The following FHIT variants were observed in gnomAD, a reference collection of about 807,000 sequenced individuals.
FHIT encodes bis(5'-adenosyl)-triphosphatase.
Under a neutral mutation model 17.9 loss-of-function variants are expected in FHIT, and 19 were observed. The observed-to-expected ratio is 1.06, with a 90% CI of 0.74 to 1.56. The LOEUF (loss-of-function observed/expected upper bound fraction) is 1.56, where lower values mean the gene tolerates loss of function less well. Ranked by LOEUF, FHIT falls within the 40% of genes most tolerant of loss-of-function variation. The pLI, the probability that FHIT is intolerant of heterozygous loss-of-function variation, is 0.00. For missense variants in FHIT, 248 were observed against 189.2 expected (o/e 1.31, Z -1.82); for synonymous variants, 81 against 69.7 (o/e 1.16, Z -0.81).
At chr3:60,512,767 T>A (rs568744689) in intron 5 of FHIT, among the ~76,000 whole-genome samples, 48 of 152,274 alleles carry the variant, frequency 3.2e-4, no homozygotes, top group Admixed American at 2.3e-3. Context: ...AACAATGAGA[T>A]GGATCAAGAT....
At chr3:59,763,496 C>CTTGT (rs1701635414) in intron 8 of FHIT, among the ~76,000 whole-genome samples, 1 of 152,214 alleles carries the variant, frequency 6.6e-6, no homozygotes, top group Admixed American at 6.5e-5. Flanking sequence ...GCATTTAAAG[C>CTTGT]TTGTTTCTCT....
At chr3:61,200,225 T>C (rs2038972308) in intron 2 of FHIT, among the ~76,000 whole-genome samples, 1 of 152,220 alleles carries the variant, frequency 6.6e-6, no homozygotes, top group Non-Finnish European at 1.5e-5. Flanking sequence ...TCAACCCAAT[T>C]GAAATGCCAC....
chr3:61,043,603 C>T (rs550777570), intron 2 of FHIT, among the ~76,000 whole-genome samples: 1 of 152,278 alleles, frequency 6.6e-6, no homozygotes, highest in East Asian at 1.9e-4. Flanking sequence ...CTTAAACGTC[C>T]CTGTCTGACA....
At chr3:61,156,768 A>G (rs17637930) in intron 2 of FHIT, among the ~76,000 whole-genome samples, 15,558 of 152,268 alleles carry the variant, frequency 0.1, 889 homozygotes, top group South Asian at 0.2. Context: ...TAGCAACATC[A>G]TGCCAATGCT....
chr3:59,838,180 T>C (rs188235590), intron 8 of FHIT, among the ~76,000 whole-genome samples: 1 of 152,196 alleles, frequency 6.6e-6, no homozygotes, highest in East Asian at 1.9e-4. Context: ...CAGGCTGAAA[T>C]ATTACAGCTT....
At chr3:59,803,991 T>C (rs192292471) in intron 8 of FHIT, among the ~76,000 whole-genome samples, 54 of 152,366 alleles carry the variant, frequency 3.5e-4, no homozygotes, top group African/African-American at 1.2e-3. Flanking sequence ...AACATAATAC[T>C]TGGGGCCTGG....
At chr3:61,169,325 T>A (rs1280746266) in intron 2 of FHIT, among the ~76,000 whole-genome samples, 1 of 152,236 alleles carries the variant, frequency 6.6e-6, no homozygotes, top group Non-Finnish European at 1.5e-5. Flanking sequence ...TTAGTCCATA[T>A]AAATTTGTGC....
chr3:60,172,815 T>C (rs902063389), intron 5 of FHIT, among the ~76,000 whole-genome samples: 1 of 152,134 alleles, frequency 6.6e-6, no homozygotes, highest in Non-Finnish European at 1.5e-5. Flanking sequence ...TTCTGTCTAC[T>C]AGTAATAGAA....
At chr3:60,063,689 C>A (rs1341412283) in intron 5 of FHIT, among the ~76,000 whole-genome samples, 1 of 152,162 alleles carries the variant, frequency 6.6e-6, no homozygotes, top group Non-Finnish European at 1.5e-5. Flanking sequence ...AGCAAAATGG[C>A]AAATTCACAA....
intron 4 of FHIT, among the ~76,000 whole-genome samples, chr3:60,657,892 C>T (rs1553690069): frequency 6.6e-6 from 1 of 152,110 alleles, no homozygotes; most frequent in Admixed American, 6.6e-5. Context: ...GCATCCTTGC[C>T]AGCATTTGGC....
chr3:60,722,460 T>C (rs193045676), intron 4 of FHIT, among the ~76,000 whole-genome samples: 228 of 152,324 alleles, frequency 1.5e-3, no homozygotes, highest in Non-Finnish European at 2.6e-3. Context: ...TGTCTTAAGC[T>C]GCACTATAAA....
chr3:60,015,091 G>A (rs894480240), intron 5 of FHIT, among the ~76,000 whole-genome samples: 21 of 152,088 alleles, frequency 1.4e-4, no homozygotes, highest in Non-Finnish European at 2.5e-4. Context: ...ACTCTTGTAC[G>A]TTTTTCTGTT....
At chr3:60,883,222 G>A (rs1451296139) in intron 3 of FHIT, among the ~76,000 whole-genome samples, 1 of 151,964 alleles carries the variant, frequency 6.6e-6, no homozygotes, top group Non-Finnish European at 1.5e-5. Context: ...TGAAGATCTG[G>A]TTACAAAAAA....
chr3:60,175,614 G>A (rs1701635140), intron 5 of FHIT, among the ~76,000 whole-genome samples: 1 of 152,124 alleles, frequency 6.6e-6, no homozygotes, highest in Non-Finnish European at 1.5e-5. Flanking sequence ...GAAAGGAGAG[G>A]TAAGATAGAA....
chr3:60,112,539 C>T lies in FHIT; in HGVS notation c.104-98387G>A, dbSNP rs570485247. Among the ~76,000 whole-genome samples the T allele has an allele frequency of 3.0e-4, 45 of 152,242 alleles. 1 individual carries two copies. The highest frequency in any genetic ancestry group is 3.4e-3 in the Middle Eastern group (1 of 292). On this transcript the variant is annotated intron_variant, in intron 5 of 9. Transcript: ENST00000492590. ...TGGACATTGCCACAGCTACGTTTAC[C>T]AGCAGAAACAGCCAAAGGAGGGCTG...
chr3:60,951,587 C>G (rs986388564), intron 3 of FHIT, among the ~76,000 whole-genome samples: 1 of 152,202 alleles, frequency 6.6e-6, no homozygotes, highest in Non-Finnish European at 1.5e-5. Flanking sequence ...ACCTAACGAC[C>G]TTCATCACCC....
chr3:60,447,506 G>A lies in FHIT; in HGVS notation c.103+89354C>T, dbSNP rs527375251. ...TAGTTCAATGATCTCTTTTAAGACA[G>A]ATATATCAAGCAATTTTTGTAATCT... is the stretch of plus-strand genomic sequence containing the variant. On this transcript the variant is annotated intron_variant, in intron 5 of 9. Transcript: ENST00000492590. Among the ~76,000 whole-genome samples the A allele has an allele frequency of 2.6e-5, 4 of 152,176 alleles. No homozygotes were observed. The East Asian group carries it at 5.8e-4, about 22-fold the overall frequency.
intron 2 of FHIT, among the ~76,000 whole-genome samples, chr3:61,089,174 C>T (rs984839061): frequency 6.6e-6 from 1 of 151,860 alleles, no homozygotes; most frequent in Non-Finnish European, 1.5e-5. Flanking sequence ...TGAGAAGGCT[C>T]TTGTGTCAGA....
intron 4 of FHIT, among the ~76,000 whole-genome samples, chr3:60,816,634 G>A (rs1439532115): frequency 6.6e-6 from 1 of 151,966 alleles, no homozygotes; most frequent in Non-Finnish European, 1.5e-5. Context: ...AATTTGGTTT[G>A]CTGGTATTAT....
Sources: gnomAD v4.1 joint callset for allele counts (sites outside exome capture counted in the v4.1 genomes callset) on GRCh38, gnomAD v4.1.1 for gene constraint, MANE v1.5 for transcripts, NCBI Gene and HGNC (gene_info 2026-07-23, HGNC 2026-07-21) for gene names.